Variants in ACSS1 observed in about 807,000 individuals in gnomAD.
The protein encoded by ACSS1 is acetyl-coenzyme A synthetase 2-like, mitochondrial.
In ACSS1, 42 loss-of-function variants were observed where a neutral mutation model predicts 75.3. The observed-to-expected ratio is 0.56, with a 90% confidence interval of 0.44 to 0.72. ACSS1 has a LOEUF of 0.72. Ranked by LOEUF, ACSS1 falls within the 30% of genes least tolerant of loss-of-function variation. The pLI, the probability that ACSS1 is intolerant of heterozygous loss-of-function variation, is 0.00. For missense variants in ACSS1, 782 were observed against 935.7 expected (o/e 0.84, Z 2.14); for synonymous variants, 380 against 376.8 (o/e 1.01, Z -0.10).
At position 25,008,033 on chromosome 20, in the gene ACSS1, G is replaced by C. The variant is rs2088340750; in HGVS notation, c.1891-92C>G. The C allele has an allele frequency of 3.4e-6, 5 of 1,452,576 alleles. No individual in the cohort carries two copies. The East Asian group carries it at 7.4e-5, about 22-fold the overall frequency. 90.0% of individuals were successfully genotyped at this position (1,452,576 alleles called of 1,614,324 possible). A position where few individuals can be genotyped will look rare whatever the true frequency, so the allele number is the denominator to read the frequency against. Reference sequence around the variant, plus strand: ...ATTAAGATCAGAAGGGCTCTGCTCAGGGGGGATGCCCTCCCGGGGATCCAC... The same window carrying C: ...ATTAAGATCAGAAGGGCTCTGCTCACGGGGGATGCCCTCCCGGGGATCCAC... On this transcript the variant is annotated intron_variant, in intron 13 of 13. Coordinates refer to ENST00000323482, the MANE Select transcript of ACSS1 (RefSeq NM_032501.4).
rs1046541147 is a variant in ACSS1, at chr20:25,015,630, G to A, written c.1247-400C>T. On this transcript the variant is annotated intron_variant, in intron 7 of 13. Transcript: ENST00000323482. ...AGATTTTTAAGGAGAAAACAGCTCC[G>A]TGATTTTTATTTTTGAAGAACATAC... Among the ~76,000 whole-genome samples, 4 of 152,194 alleles carry A rather than the reference G, an allele frequency of 2.6e-5. No homozygotes were observed. In the East Asian group the frequency reaches 5.8e-4, roughly 22 times the overall value.
At chr20:25,035,872 T>C (rs2088901302) in intron 2 of ACSS1, among the ~76,000 whole-genome samples, 1 of 152,228 alleles carries the variant, frequency 6.6e-6, no homozygotes, top group Non-Finnish European at 1.5e-5. Context: ...CAGGAACCAT[T>C]TGAAAGCATG....
intron 1 of ACSS1, among the ~76,000 whole-genome samples, chr20:25,052,750 T>C (rs996213363): frequency 2.6e-5 from 4 of 152,254 alleles, no homozygotes; most frequent in African/African-American, 7.2e-5. Flanking sequence ...CGACAAGCCA[T>C]GCGGAGCTGA....
intron 7 of ACSS1, among the ~76,000 whole-genome samples, chr20:25,018,437 A>G (rs1382333450): frequency 6.6e-6 from 1 of 152,216 alleles, no homozygotes; most frequent in Admixed American, 6.5e-5. Context: ...AAGGAACCCC[A>G]TACTCTTTCT....
chr20:25,057,549 G>C (rs2089260123), intron 1 of ACSS1, among the ~76,000 whole-genome samples: 1 of 152,182 alleles, frequency 6.6e-6, no homozygotes, highest in Admixed American at 6.5e-5. Context: ...CGCGGGCGCC[G>C]GCCCGAGCTG....
rs78331149 is a variant in ACSS1 at position 25,040,524 on chromosome 20, A to G, written c.431+7561T>C. Among the ~76,000 whole-genome samples the G allele has an allele frequency of 3.5e-3, 532 of 152,328 alleles. 6 individuals are homozygous for G. In the East Asian group the frequency reaches 0.053, roughly 15 times the overall value. ...TTGGCAGCAGCCTAGAGAAGCATCA[A>G]ACTCCTCCAAAGAACAGGAGGCTCC... is the stretch of plus-strand genomic sequence containing the variant. On this transcript the variant is annotated intron_variant, in intron 2 of 13. Transcript: ENST00000323482.
At chr20:25,032,543 G>C in intron 2 of ACSS1, 1 of 1,252,740 alleles carries the variant, frequency 8.0e-7, no homozygotes, top group Non-Finnish European at 1.0e-6. Flanking sequence ...AACGAAGAAT[G>C]AGGGGAAGCC....
intron 8 of ACSS1, 37 bp from the exon 9 acceptor site, chr20:25,014,110 C>T (rs1309062906): frequency 2.6e-6 from 4 of 1,526,570 alleles, no homozygotes; most frequent in South Asian, 1.2e-5. Flanking sequence ...ATAATCGGCC[C>T]CGGACCCAGG....
At chr20:25,021,356 C>T (rs1375673092) in intron 6 of ACSS1, 33 bp downstream of exon 6, 1 of 1,608,196 alleles carries the variant, frequency 6.2e-7, no homozygotes, top group East Asian at 2.2e-5. Context: ...CTGACACCAG[C>T]ATGGGGTCCC....
At chr20:25,033,921 G>C (rs919355760) in intron 2 of ACSS1, among the ~76,000 whole-genome samples, 2 of 152,208 alleles carry the variant, frequency 1.3e-5, no homozygotes, top group African/African-American at 4.8e-5. Context: ...TCCAGGGAGG[G>C]TCTAGAGACC....
intron 8 of ACSS1, among the ~76,000 whole-genome samples, chr20:25,014,635 C>A (rs1252120125): frequency 6.6e-6 from 1 of 152,166 alleles, no homozygotes; most frequent in African/African-American, 2.4e-5. Flanking sequence ...CCCCAAGCCT[C>A]CTAATAAGTC....
At position 25,009,256 on chromosome 20, in the gene ACSS1, G is replaced by A; in HGVS notation, c.1890+14C>T. The A allele has an allele frequency of 6.3e-7, 1 of 1,585,126 alleles. No individual in the cohort carries two copies. The highest frequency in any genetic ancestry group is 8.7e-7 in the Non-Finnish European group (1 of 1,153,652). On this transcript the variant is annotated intron_variant, in intron 13 of 13. Transcript: ENST00000323482. ...ACAGCAGCACAGCCCCATCTTTGTG[G>A]GAGGCCCACTCACCAGGATCTCATC...
At chr20:25,055,938 G>A (rs1023426029) in intron 1 of ACSS1, among the ~76,000 whole-genome samples, 1 of 152,162 alleles carries the variant, frequency 6.6e-6, no homozygotes, top group Non-Finnish European at 1.5e-5. Context: ...AAGAGATATT[G>A]CTGACCCATG....
At chr20:25,017,020 T>C (rs2088530064) in intron 7 of ACSS1, among the ~76,000 whole-genome samples, 1 of 150,212 alleles carries the variant, frequency 6.7e-6, no homozygotes, top group Non-Finnish European at 1.5e-5. Flanking sequence ...GAGACAAGGA[T>C]CTTGCTCTGT....
rs570208613 is a variant in ACSS1 at position 25,009,663 on chromosome 20, G to A, written c.1772-275C>T. ...CTCAGCTCTAATGCTGACTGGCTGC[G>A]TGTGACCTGGGACATGGGACCTCCC... On this transcript the variant is annotated intron_variant, in intron 12 of 13. Transcript: ENST00000323482. 138 of 439,664 alleles carry A rather than the reference G, an allele frequency of 3.1e-4. 1 individual carries two copies. The highest frequency in any genetic ancestry group is 9.6e-4 in the South Asian group (39 of 40,684). The allele number at this position is 439,664 out of a possible 1,614,324, so 27.2% of individuals were successfully genotyped here.
intron 2 of ACSS1, among the ~76,000 whole-genome samples, chr20:25,045,290 CT>C (rs2089067817): frequency 6.6e-6 from 1 of 152,166 alleles, no homozygotes; most frequent in Admixed American, 6.5e-5. Context: ...GAACGGGCCT[CT>C]TTCTGCTGAC....
intron 1 of ACSS1, among the ~76,000 whole-genome samples, chr20:25,054,000 C>A (rs1464402197): frequency 6.6e-6 from 1 of 152,252 alleles, no homozygotes; most frequent in African/African-American, 2.4e-5. Context: ...AAGGACAGAG[C>A]CAAATTTCAC....
Position 25,012,610 on chromosome 20 carries a change from T to G in ACSS1, c.1762A>C (p.Lys588Gln). The G allele has an allele frequency of 1.2e-6, 2 of 1,614,166 alleles. No homozygotes were observed. Among genetic ancestry groups the G allele is most frequent in the South Asian group, 2.2e-5 (2 of 91,076 alleles). ...SAVIGYPHDI[K>Q]GEAAFAFIVV... ...TCTCCAGGACACTCACCTTCTCCTT[T>G]GATGTCGTGGGGGTAGCCAATGACA... is the stretch of plus-strand genomic sequence containing the variant. Residue 588 changes from lysine to glutamine, a missense_variant, in exon 12 of 14, where the codon AAA becomes CAA. Lys to Gln is a moderately conservative substitution (Grantham distance 53). Around this residue, in one of 2 missense-constraint regions of ACSS1, gnomAD observed 405 missense variants for 552.6 expected, o/e 0.73. Transcript: ENST00000323482.
In ACSS1 at chr20:25,021,474, T is replaced by G. The variant is rs761563857; in HGVS notation, c.1023A>C (p.Thr341=). 3.1e-6 allele frequency: 5 copies of G among 1,614,108 alleles called. No individual in the cohort carries two copies. In the South Asian group the frequency reaches 5.5e-5, roughly 18 times the overall value. The stretch of plus-strand genomic sequence containing the variant: ...GCCCATACACCACGTAGCTGTGTCC[T>G]GTAATCCAACCGATGTCGGCCACAC... ...FGCVADIGWI[T]GHSYVVYGPL... Residue 341 remains threonine (T), a synonymous_variant, in exon 6 of 14, where the codon ACA becomes ACC. Coordinates refer to ENST00000323482, the MANE Select transcript of ACSS1 (RefSeq NM_032501.4).
Sources: gnomAD v4.1 joint callset for allele counts (sites outside exome capture counted in the v4.1 genomes callset) on GRCh38, gnomAD v4.1.1 for gene constraint, gnomAD v4.1.1 regional missense constraint, MANE v1.5 for transcripts, NCBI Gene and HGNC (gene_info 2026-07-23, HGNC 2026-07-21) for gene names.